Variants in DIP2A observed in about 807,000 individuals in gnomAD.
DIP2A encodes DIP2 acetate--CoA ligase A.
Under a neutral mutation model 177.4 loss-of-function variants are expected in DIP2A, and 85 were observed. That is an observed-to-expected ratio of 0.48 (90% CI 0.40 to 0.57). The LOEUF (loss-of-function observed/expected upper bound fraction) is 0.57, where lower values mean the gene tolerates loss of function less well. Among genes scored for constraint, DIP2A ranks in the 20% least tolerant of loss-of-function variants. The pLI is 0.00. For synonymous variants in DIP2A, 886 were observed against 881.8 expected, an observed-to-expected ratio of 1.00 and a Z score of -0.08; for missense variants, 1,791 against 2,100.2, an observed-to-expected ratio of 0.85 and a Z score of 2.88.
intron 1 of DIP2A, among the ~76,000 whole-genome samples, chr21:46,459,957 T>C (rs1474925946): frequency 6.6e-6 from 1 of 152,176 alleles, no homozygotes; most frequent in Non-Finnish European, 1.5e-5. Flanking sequence ...GGGCTTGGTC[T>C]GGGCTTCACC....
At chr21:46,473,879 C>T (rs55997529) in intron 1 of DIP2A, among the ~76,000 whole-genome samples, 7,065 of 152,212 alleles carry the variant, frequency 0.046, 532 homozygotes, top group African/African-American at 0.16. Context: ...CCCCACACAG[C>T]CCCACCTTTT....
chr21:46,546,228 G>A, intron 20 of DIP2A: 1 of 1,280,774 alleles, frequency 7.8e-7, no homozygotes, highest in Non-Finnish European at 9.9e-7. Context: ...TGGAGTGGCA[G>A]GTTTGTGAGT....
intron 8 of DIP2A, among the ~76,000 whole-genome samples, chr21:46,519,129 G>A (rs2058709829): frequency 6.6e-6 from 1 of 152,164 alleles, no homozygotes; most frequent in Admixed American, 6.5e-5. Flanking sequence ...CATGGCACTG[G>A]TGGGAGTGTC....
intron 5 of DIP2A, 114 bp from the exon 6 acceptor site, chr21:46,504,247 C>G: frequency 2.2e-6 from 3 of 1,384,994 alleles, no homozygotes; most frequent in Non-Finnish European, 3.0e-6. Flanking sequence ...ATACCACACT[C>G]TCCCCACTTA....
intron 13 of DIP2A, among the ~76,000 whole-genome samples, chr21:46,535,063 G>T (rs2059508156): frequency 6.6e-6 from 1 of 152,206 alleles, no homozygotes. Context: ...CATACTGAGG[G>T]TCAGGGCATT....
rs2060810706 is a variant in DIP2A, at chr21:46,565,575, A to C, written c.4165-138A>C. On this transcript the variant is annotated intron_variant, in intron 35 of 37. Coordinates refer to ENST00000417564, the MANE Select transcript of DIP2A (RefSeq NM_015151.4). ...TGTAATTTAACTTAGTTCATAAAATAAGAGACAATGAATATTATCCGCCCC... is the reference window on the plus strand; with the variant it reads ...TGTAATTTAACTTAGTTCATAAAATCAGAGACAATGAATATTATCCGCCCC... 14 of 868,692 alleles carry C rather than the reference A, an allele frequency of 1.6e-5. No individual in the cohort carries two copies. In the South Asian group the frequency reaches 2.0e-4, roughly 12 times the overall value. The allele number at this position is 868,692 out of a possible 1,614,324, so 53.8% of individuals were successfully genotyped here. A position where few individuals can be genotyped will look rare whatever the true frequency, so the allele number is the denominator to read the frequency against.
In DIP2A at chr21:46,529,275, A is replaced by G. The variant is rs1252627359; in HGVS notation, c.1194+92A>G. ...GAAATTAGTGTTCTATCATTTAGTTAGAATTACAGCATTAATACAAGGGAT... is the reference window on the plus strand; with the variant it reads ...GAAATTAGTGTTCTATCATTTAGTTGGAATTACAGCATTAATACAAGGGAT... On this transcript the variant is annotated intron_variant, in intron 9 of 37. Transcript: ENST00000417564. 4 of 835,840 alleles carry G rather than the reference A, an allele frequency of 4.8e-6. No homozygotes were observed. The Admixed American group carries it at 1.1e-4, about 24-fold the overall frequency. The allele number at this position is 835,840 out of a possible 1,614,324, so 51.8% of individuals were successfully genotyped here. A position where few individuals can be genotyped will look rare whatever the true frequency, so the allele number is the denominator to read the frequency against.
intron 1 of DIP2A, among the ~76,000 whole-genome samples, chr21:46,474,682 G>T (rs1056469596): frequency 2.0e-5 from 3 of 152,134 alleles, no homozygotes; most frequent in African/African-American, 7.2e-5. Context: ...TCACTGTGTT[G>T]CCTAGGCTGG....
intron 22 of DIP2A, chr21:46,550,161 A>C: frequency 1.1e-6 from 1 of 871,700 alleles, no homozygotes; most frequent in Non-Finnish European, 1.7e-6. Flanking sequence ...ATGCACTCTC[A>C]CAGTGATTTT....
At position 46,563,627 on chromosome 21, in the gene DIP2A, A is replaced by G; in HGVS notation, c.4090-231A>G. 1 of 654,326 alleles carries G rather than the reference A, an allele frequency of 1.5e-6. No individual in the cohort carries two copies. The highest frequency in any genetic ancestry group is 2.4e-6 in the Non-Finnish European group (1 of 417,348). 40.5% of individuals were successfully genotyped at this position (654,326 alleles called of 1,614,324 possible). On this transcript the variant is annotated intron_variant, in intron 34 of 37. Coordinates refer to ENST00000417564, the MANE Select transcript of DIP2A (RefSeq NM_015151.4). The surrounding 1 kb of genome is among the most constrained non-coding windows in gnomAD (Gnocchi z 4.3). Reference sequence around the variant, plus strand: ...ACCCTCTGCCCCTCCTGACACCCAGAGACGGGATCCCTTCTCAGGAACTGG... The same window carrying G: ...ACCCTCTGCCCCTCCTGACACCCAGGGACGGGATCCCTTCTCAGGAACTGG...
At chr21:46,524,401 C>A (rs111328028) in intron 8 of DIP2A, among the ~76,000 whole-genome samples, 3,741 of 152,286 alleles carry the variant, frequency 0.025, 82 homozygotes, top group Non-Finnish European at 0.03. Context: ...AGTTGGGACT[C>A]TAACCCAGTT....
At chr21:46,521,194 CT>C (rs938820862) in intron 8 of DIP2A, among the ~76,000 whole-genome samples, 4 of 151,396 alleles carry the variant, frequency 2.6e-5, no homozygotes, top group African/African-American at 2.4e-5. Flanking sequence ...GTTTTCTTTT[CT>C]TTTTTTTTCC....
chr21:46,465,018 T>C (rs1007105362), intron 1 of DIP2A, among the ~76,000 whole-genome samples: 1 of 152,198 alleles, frequency 6.6e-6, no homozygotes, highest in African/African-American at 2.4e-5. Context: ...GAATTTCCTT[T>C]GAATGATGGA....
intron 4 of DIP2A, among the ~76,000 whole-genome samples, chr21:46,497,403 A>G (rs768234543): frequency 3.3e-5 from 5 of 152,238 alleles, no homozygotes; most frequent in Non-Finnish European, 7.3e-5. Context: ...CTAAAGCACT[A>G]AGAGGAGCCT....
intron 1 of DIP2A, among the ~76,000 whole-genome samples, chr21:46,477,610 G>A (rs2056008328): frequency 8.8e-6 from 1 of 113,408 alleles, no homozygotes; most frequent in Non-Finnish European, 1.8e-5. Flanking sequence ...GTCTTGTCCT[G>A]TCGCCCAGGC....
rs182229423 is a variant in DIP2A at position 46,515,718 on chromosome 21, A to G, written c.1102+4104A>G. ...TGCTTGGCTACTTTTTTGTATTTTTAGTGTAGTCGAGGTCTCGCCATGTGG... is the reference window on the plus strand; with the variant it reads ...TGCTTGGCTACTTTTTTGTATTTTTGGTGTAGTCGAGGTCTCGCCATGTGG... On this transcript the variant is annotated intron_variant, in intron 8 of 37. Transcript: ENST00000417564. Among the ~76,000 whole-genome samples, 196 of 151,822 alleles carry G rather than the reference A, an allele frequency of 1.3e-3. 2 individuals are homozygous for G. Among genetic ancestry groups the G allele is most frequent in the Admixed American group, 0.011 (169 of 15,254 alleles).
In DIP2A at chr21:46,541,883, G is replaced by A. The variant is rs1451471478; in HGVS notation, c.2164G>A (p.Val722Met). 5 of 1,613,928 alleles carry A rather than the reference G, an allele frequency of 3.1e-6. No individual in the cohort carries two copies. The Admixed American group carries it at 8.3e-5, about 27-fold the overall frequency. ...SVLTVQDVGQ[V>M]MPGANVCVVK... is the part of the protein sequence containing the mutation. ...CCTTACTGTTCAGGACGTTGGTCAG[G>A]TGATGCCTGGAGGTAAGAGACATAA... The change falls in exon 18 of 38, where the codon GTG becomes ATG. Residue 722 changes from valine to methionine, a missense_variant. Transcript: ENST00000417564.
chr21:46,482,133 G>A (rs1378674587), intron 1 of DIP2A, among the ~76,000 whole-genome samples: 1 of 152,164 alleles, frequency 6.6e-6, no homozygotes, highest in Non-Finnish European at 1.5e-5. Context: ...CCTCTAACAA[G>A]ACCGACAGTG....
intron 2 of DIP2A, among the ~76,000 whole-genome samples, chr21:46,488,500 G>T (rs1468759266): frequency 2.6e-5 from 4 of 152,196 alleles, no homozygotes; most frequent in African/African-American, 7.2e-5. Flanking sequence ...AAGGAGTGAG[G>T]CTTCCTGGTC....
Sources: gnomAD v4.1 joint callset for allele counts (sites outside exome capture counted in the v4.1 genomes callset) on GRCh38, gnomAD v4.1.1 for gene constraint, Gnocchi (gnomAD v3.1) non-coding constraint, MANE v1.5 for transcripts, NCBI Gene and HGNC (gene_info 2026-07-23, HGNC 2026-07-21) for gene names.